The following COL11A1 variants were observed in gnomAD, a reference collection of about 807,000 sequenced individuals.
The protein encoded by COL11A1 is collagen type XI alpha 1 chain.
A neutral mutation model predicts 265.2 loss-of-function variants in COL11A1; 74 were observed. That is an observed-to-expected ratio of 0.28 (90% CI 0.23 to 0.34). The LOEUF (loss-of-function observed/expected upper bound fraction) is 0.34. COL11A1 is among the 10% of genes least tolerant of loss of function. The probability of loss-of-function intolerance (pLI) is 1.00; values close to 1 mark genes in which losing one functional copy is unlikely to be tolerated. For synonymous variants in COL11A1, 816 were observed against 727.6 expected (o/e 1.12, Z -1.96); for missense variants, 2,165 against 2,263.6 (o/e 0.96, Z 0.88).
rs572696972 is a variant in COL11A1 at position 103,016,964 on chromosome 1, T to C, written c.1413+856A>G. Among the ~76,000 whole-genome samples the C allele has an allele frequency of 2.6e-5, 4 of 152,014 alleles. No homozygotes were observed. In the South Asian group the frequency reaches 8.3e-4, roughly 32 times the overall value. On this transcript the variant is annotated intron_variant, in intron 11 of 66. Transcript: ENST00000370096. Reference sequence around the variant, plus strand: ...TTCTCACCTGATATAGAGTTTAAGGTGAGTAAATTACAGAATATAAAAAGG... The same window carrying C: ...TTCTCACCTGATATAGAGTTTAAGGCGAGTAAATTACAGAATATAAAAAGG...
chr1:102,926,249 C>G (rs1387319792), intron 46 of COL11A1, among the ~76,000 whole-genome samples: 1 of 151,998 alleles, frequency 6.6e-6, no homozygotes, highest in African/African-American at 2.4e-5. Context: ...TACCTTTCTC[C>G]AAAGAGGTAA....
chr1:103,093,372 C>T (rs879831531), intron 1 of COL11A1, among the ~76,000 whole-genome samples: 27 of 152,016 alleles, frequency 1.8e-4, no homozygotes, highest in African/African-American at 6.5e-4. Flanking sequence ...ATTAGAAAAA[C>T]CACTGAGGAG....
intron 31 of COL11A1, among the ~76,000 whole-genome samples, chr1:102,983,176 T>C (rs1289502732): frequency 6.6e-6 from 1 of 152,040 alleles, no homozygotes; most frequent in African/African-American, 2.4e-5. Flanking sequence ...ATGATAGGTT[T>C]GAGAAAAATT....
chr1:103,034,808 T>C (rs1303917719), intron 4 of COL11A1, among the ~76,000 whole-genome samples: 2 of 152,028 alleles, frequency 1.3e-5, no homozygotes, highest in Admixed American at 1.3e-4. Context: ...AAGTTGAACA[T>C]ATTAAATAAC....
chr1:102,926,831 C>T (rs1185757902), intron 46 of COL11A1, among the ~76,000 whole-genome samples: 1 of 151,938 alleles, frequency 6.6e-6, no homozygotes, highest in African/African-American at 2.4e-5. Context: ...AATTTTAATG[C>T]CTTGTTTTCA....
intron 4 of COL11A1, among the ~76,000 whole-genome samples, chr1:103,050,900 A>T (rs4400632): frequency 1 from 152,169 of 152,318 alleles, 76,012 homozygotes; most frequent in Non-Finnish European, 1. Context: ...TCAGCAGCAG[A>T]GGCTGCAGAA....
intron 46 of COL11A1, among the ~76,000 whole-genome samples, chr1:102,928,014 G>A (rs1197069743): frequency 6.6e-6 from 1 of 152,048 alleles, no homozygotes; most frequent in Non-Finnish European, 1.5e-5. Context: ...CTGTCTGCCT[G>A]GGACTTCGTG....
intron 6 of COL11A1, chr1:103,026,009 T>G (rs58786692): frequency 2.6e-6 from 4 of 1,545,018 alleles, no homozygotes; most frequent in Non-Finnish European, 3.6e-6. Flanking sequence ...GAGGGAAATA[T>G]AGAGCACAGA....
chr1:102,917,474 C>T (rs893144006), intron 49 of COL11A1, among the ~76,000 whole-genome samples: 1 of 151,642 alleles, frequency 6.6e-6, no homozygotes, highest in Non-Finnish European at 1.5e-5. Flanking sequence ...CAAAAGAAAC[C>T]CCCAACTAGA....
At chr1:102,886,246 C>T (rs1570627721) in intron 63 of COL11A1, among the ~76,000 whole-genome samples, 2 of 152,042 alleles carry the variant, frequency 1.3e-5, no homozygotes, top group Non-Finnish European at 2.9e-5. Context: ...GATGAATTAT[C>T]CTAATTGTTA....
intron 21 of COL11A1, 83 bp from the exon 22 acceptor site, chr1:103,002,874 G>T: frequency 1.6e-6 from 2 of 1,237,174 alleles, no homozygotes; most frequent in Non-Finnish European, 2.4e-6. Context: ...CTAATATCAT[G>T]ATATTCACTA....
intron 65 of COL11A1, 137 bp downstream of exon 65, chr1:102,881,560 G>T: frequency 1.4e-6 from 1 of 724,624 alleles, no homozygotes; most frequent in Non-Finnish European, 2.4e-6. Context: ...GAGATATTAA[G>T]TGGAACAAAC....
chr1:103,074,301 G>A (rs1671805020), intron 4 of COL11A1, among the ~76,000 whole-genome samples: 1 of 152,012 alleles, frequency 6.6e-6, no homozygotes. Flanking sequence ...TGAAGAAAAT[G>A]TTCTTTTCTG....
chr1:102,913,588 G>T, intron 53 of COL11A1, 49 bp downstream of exon 53: 1 of 1,486,320 alleles, frequency 6.7e-7, no homozygotes, highest in Non-Finnish European at 9.4e-7. Context: ...TCATTAAAAT[G>T]CCTTGAGACT....
intron 1 of COL11A1, among the ~76,000 whole-genome samples, chr1:103,086,109 T>C (rs375910508): frequency 2.4e-4 from 36 of 152,320 alleles, no homozygotes; most frequent in African/African-American, 8.7e-4. Flanking sequence ...AGCTAATTGA[T>C]TCCTGATGTT....
At chr1:102,951,984 G>A (rs56412519) in intron 41 of COL11A1, among the ~76,000 whole-genome samples, 3,038 of 152,006 alleles carry the variant, frequency 0.02, 106 homozygotes, top group African/African-American at 0.069. Context: ...AATTTATACC[G>A]AAGTATGTTT....
chr1:103,012,548 T>A (rs1002045479), intron 13 of COL11A1, 79 bp from the exon 14 acceptor site: 46 of 1,041,356 alleles, frequency 4.4e-5, no homozygotes, highest in Non-Finnish European at 6.0e-5. Flanking sequence ...CTGCACAAGC[T>A]GCCCTTAAGT....
At chr1:103,024,291 T>G (rs2101954609) in intron 7 of COL11A1, among the ~76,000 whole-genome samples, 1 of 152,306 alleles carries the variant, frequency 6.6e-6, no homozygotes, top group Admixed American at 6.5e-5. Flanking sequence ...CATGCCCAGC[T>G]TATTCATTGA....
At chr1:102,974,776 C>T in intron 36 of COL11A1, 54 bp downstream of exon 36, 12 of 1,407,674 alleles carry the variant, frequency 8.5e-6, no homozygotes, top group Non-Finnish European at 1.2e-5. Flanking sequence ...CTGTGACTCT[C>T]AAAAATGTAA....
Sources: allele counts gnomAD v4.1 joint callset (sites outside exome capture counted in the v4.1 genomes callset), GRCh38; gene constraint gnomAD v4.1.1; transcripts MANE v1.5; gene names NCBI Gene and HGNC (gene_info 2026-07-23, HGNC 2026-07-21).